Variants in ARHGAP31 observed in about 807,000 individuals in gnomAD.
ARHGAP31 encodes the protein Rho GTPase activating protein 31, also known as rho GTPase-activating protein 31.
In ARHGAP31, 34 loss-of-function variants were observed where a neutral mutation model predicts 113.9. The ratio of observed to expected loss-of-function variants is 0.30; its 90% CI spans 0.23 to 0.40. ARHGAP31 has a LOEUF of 0.40. Among genes scored for constraint, ARHGAP31 ranks in the 10% least tolerant of loss-of-function variants. The pLI, the probability that ARHGAP31 is intolerant of heterozygous loss-of-function variation, is 1.00. For synonymous variants in ARHGAP31, 650 were observed against 684.8 expected, an observed-to-expected ratio of 0.95 and a Z score of 0.79; for missense variants, 1,548 against 1,767.1, an observed-to-expected ratio of 0.88 and a Z score of 2.22.
intron 6 of ARHGAP31, among the ~76,000 whole-genome samples, chr3:119,389,428 A>G (rs2080484238): frequency 6.6e-6 from 1 of 152,242 alleles, no homozygotes; most frequent in Admixed American, 6.5e-5. Context: ...CTTTGAACAA[A>G]TATTCAAAGT....
chr3:119,359,871 CCT>C (rs1359332766), intron 1 of ARHGAP31, among the ~76,000 whole-genome samples: 1 of 152,114 alleles, frequency 6.6e-6, no homozygotes, highest in East Asian at 1.9e-4. Context: ...AAAAATCCCC[CCT>C]CTCTCCCGTG....
chr3:119,324,625 GAAAC>G (rs530273252), intron 1 of ARHGAP31, among the ~76,000 whole-genome samples: 14 of 152,086 alleles, frequency 9.2e-5, no homozygotes, highest in South Asian at 4.1e-4. Flanking sequence ...GCTATTAAAA[GAAAC>G]AAACAAACAA....
At chr3:119,345,261 T>C (rs1029132730) in intron 1 of ARHGAP31, among the ~76,000 whole-genome samples, 1 of 152,092 alleles carries the variant, frequency 6.6e-6, no homozygotes, top group African/African-American at 2.4e-5. Flanking sequence ...GCTAGGATTA[T>C]AGGCGTGTGC....
At chr3:119,314,785 G>C (rs768061699) in intron 1 of ARHGAP31, 8 of 152,194 alleles carry the variant, frequency 5.3e-5, no homozygotes, top group Non-Finnish European at 1.0e-4. Context: ...AGAGGGGTGA[G>C]AATTAGGTGA....
At chr3:119,300,533 T>C (rs1265903261) in intron 1 of ARHGAP31, among the ~76,000 whole-genome samples, 1 of 152,084 alleles carries the variant, frequency 6.6e-6, no homozygotes, top group African/African-American at 2.4e-5. Flanking sequence ...TCAAAAGGCC[T>C]AAGACACAGC....
intron 1 of ARHGAP31, among the ~76,000 whole-genome samples, chr3:119,300,435 A>G (rs1412686253): frequency 6.6e-6 from 1 of 152,156 alleles, no homozygotes; most frequent in Non-Finnish European, 1.5e-5. Context: ...GAAGAAGCCA[A>G]TTTATGCAGG....
At chr3:119,305,379 A>G (rs1329441598) in intron 1 of ARHGAP31, among the ~76,000 whole-genome samples, 1 of 152,226 alleles carries the variant, frequency 6.6e-6, no homozygotes, top group East Asian at 1.9e-4. Context: ...GATTCTAAAC[A>G]GAGAGCATGC....
chr3:119,413,266 G>A (rs970169114), intron 11 of ARHGAP31, among the ~76,000 whole-genome samples: 3 of 146,548 alleles, frequency 2.0e-5, no homozygotes, highest in African/African-American at 7.7e-5. Flanking sequence ...GCAGTGAGCT[G>A]AGATCACACC....
In ARHGAP31 at chr3:119,294,778, T is replaced by C; in HGVS notation, c.-127T>C. On this transcript the variant is annotated 5_prime_UTR_variant, in exon 1 of 12. Transcript: ENST00000264245. ...TGCGCAGGGCCCCCAGCCCAAGTTC[T>C]TCCATCTTCCGATGCGGCCCCCCAG... is the stretch of plus-strand genomic sequence containing the variant. 1 of 904,074 alleles carries C rather than the reference T, an allele frequency of 1.1e-6. No individual in the cohort carries two copies. Among genetic ancestry groups the C allele is most frequent in the Non-Finnish European group, 1.8e-6 (1 of 556,326 alleles). 56.0% of individuals were successfully genotyped at this position (904,074 alleles called of 1,614,324 possible). A position where few individuals can be genotyped will look rare whatever the true frequency, so the allele number is the denominator to read the frequency against.
In ARHGAP31 at chr3:119,344,758, A is replaced by C. The variant is rs116691478; in HGVS notation, c.101-20558A>C. 7.5e-3 allele frequency among the ~76,000 whole-genome samples: 1,131 copies of C among 151,458 alleles called. 18 individuals are homozygous for C. Among genetic ancestry groups the C allele is most frequent in the African/African-American group, 0.026 (1,068 of 41,252 alleles). Reference sequence around the variant, plus strand: ...GTGATCCTCCCACCTCAGCCTCCCAAGTAGCTGAGACCACAAGCATGTACA... The same window carrying C: ...GTGATCCTCCCACCTCAGCCTCCCACGTAGCTGAGACCACAAGCATGTACA... On this transcript the variant is annotated intron_variant, in intron 1 of 11. Transcript: ENST00000264245.
chr3:119,363,162 G>A (rs2107621713), intron 1 of ARHGAP31, among the ~76,000 whole-genome samples: 1 of 152,348 alleles, frequency 6.6e-6, no homozygotes, highest in South Asian at 2.1e-4. Flanking sequence ...ACAGTGAGGT[G>A]TGGTGGGGAA....
intron 3 of ARHGAP31, 135 bp from the exon 4 acceptor site, chr3:119,380,769 G>A (rs901885200): frequency 2.7e-6 from 2 of 752,498 alleles, no homozygotes; most frequent in African/African-American, 3.4e-5. Context: ...TCATAGTAAA[G>A]CATGCCTCTT....
chr3:119,336,606 C>G (rs951835999), intron 1 of ARHGAP31, among the ~76,000 whole-genome samples: 1 of 152,142 alleles, frequency 6.6e-6, no homozygotes, highest in Non-Finnish European at 1.5e-5. Flanking sequence ...GGTCTAAGTT[C>G]TAAACAATTG....
chr3:119,356,619 A>G (rs780918532), intron 1 of ARHGAP31, among the ~76,000 whole-genome samples: 14 of 151,644 alleles, frequency 9.2e-5, no homozygotes, highest in Non-Finnish European at 1.6e-4. Context: ...TGACAGAGTA[A>G]GACTCTGTCT....
At position 119,381,067 on chromosome 3, in the gene ARHGAP31, A is replaced by G. The variant is rs1032833293; in HGVS notation, c.431+81A>G. The G allele has an allele frequency of 3.6e-6, 5 of 1,385,980 alleles. No homozygotes were observed. In the African/African-American group the frequency reaches 5.7e-5, roughly 16 times the overall value. The allele number at this position is 1,385,980 out of a possible 1,614,324, so 85.9% of individuals were successfully genotyped here. A position where few individuals can be genotyped will look rare whatever the true frequency, so the allele number is the denominator to read the frequency against. ...GAGACAGGCTGGCATCATGGAAAGG[A>G]AACAATGTGTGGACAGTAGCAAGTT... is the stretch of plus-strand genomic sequence containing the variant. On this transcript the variant is annotated intron_variant, in intron 4 of 11. Transcript: ENST00000264245.
chr3:119,371,913 T>A (rs2080301144), intron 3 of ARHGAP31, among the ~76,000 whole-genome samples: 1 of 152,166 alleles, frequency 6.6e-6, no homozygotes, highest in Admixed American at 6.5e-5. Flanking sequence ...CCCAGCTTCA[T>A]CCATGTTCCT....
chr3:119,336,628 G>A (rs1008910125), intron 1 of ARHGAP31, among the ~76,000 whole-genome samples: 1 of 152,088 alleles, frequency 6.6e-6, no homozygotes, highest in Non-Finnish European at 1.5e-5. Flanking sequence ...TGCATTTACT[G>A]CTGGTTTTAT....
At chr3:119,389,987 G>A (rs2080489825) in intron 6 of ARHGAP31, among the ~76,000 whole-genome samples, 1 of 152,196 alleles carries the variant, frequency 6.6e-6, no homozygotes, top group African/African-American at 2.4e-5. Flanking sequence ...CAGTAGCACT[G>A]CCACACACAT....
intron 1 of ARHGAP31, among the ~76,000 whole-genome samples, chr3:119,336,404 GACC>G (rs1175345389): frequency 6.6e-6 from 1 of 151,730 alleles, no homozygotes; most frequent in African/African-American, 2.4e-5. Flanking sequence ...GATCTACACT[GACC>G]ACGTCAGCAG....
Sources: gnomAD v4.1 joint callset for allele counts (sites outside exome capture counted in the v4.1 genomes callset) on GRCh38, gnomAD v4.1.1 for gene constraint, MANE v1.5 for transcripts, NCBI Gene and HGNC (gene_info 2026-07-23, HGNC 2026-07-21) for gene names.